HIRA: variants seen among roughly 807,000 people sequenced by gnomAD.
HIRA encodes protein HIRA.
A neutral mutation model predicts 126.6 loss-of-function variants in HIRA; 13 were observed. That is an observed-to-expected ratio of 0.10 (90% confidence interval 0.07 to 0.16). HIRA has a LOEUF of 0.16. Among genes scored for constraint, HIRA ranks in the 10% least tolerant of loss-of-function variants. HIRA has a pLI of 1.00. For missense variants in HIRA, 834 were observed against 1,314.4 expected (o/e 0.63, Z 5.65); for synonymous variants, 511 against 520.0 (o/e 0.98, Z 0.24).
chr22:19,396,507 ACT>A (rs954889831), intron 7 of HIRA, among the ~76,000 whole-genome samples: 3 of 152,198 alleles, frequency 2.0e-5, no homozygotes, highest in Non-Finnish European at 4.4e-5. Flanking sequence ...CAAGAGCGAA[ACT>A]CTGTCGCCAA....
intron 13 of HIRA, among the ~76,000 whole-genome samples, chr22:19,379,653 G>T: frequency 1.4e-5 from 2 of 144,284 alleles, no homozygotes; most frequent in African/African-American, 2.6e-5. Context: ...AGAAATACTT[G>T]ATTTCTTTTT....
Position 19,396,633 on chromosome 22 carries a change from A to T in HIRA, c.654+154T>A, listed in dbSNP as rs5748178. On this transcript the variant is annotated intron_variant, in intron 7 of 24. Transcript: ENST00000263208. ...ATCTGACTCTTAGGGCCAGAGTCCC[A>T]CCCCAGAGAGCCTTGGTGAATCCGC... is the stretch of plus-strand genomic sequence containing the variant. Among the ~76,000 whole-genome samples the T allele has an allele frequency of 2.6e-5, 4 of 152,350 alleles. No homozygotes were observed. In the East Asian group the frequency reaches 7.7e-4, roughly 29 times the overall value.
chr22:19,396,188 T>C (rs1376571182), intron 7 of HIRA, among the ~76,000 whole-genome samples: 2 of 152,218 alleles, frequency 1.3e-5, no homozygotes, highest in Non-Finnish European at 2.9e-5. Context: ...CAGAATGATG[T>C]GGAGACATCT....
At chr22:19,416,243 C>CAT (rs1177887642) in intron 1 of HIRA, among the ~76,000 whole-genome samples, 1 of 152,202 alleles carries the variant, frequency 6.6e-6, no homozygotes, top group African/African-American at 2.4e-5. Flanking sequence ...CAAAGACCTG[C>CAT]ATATATATCT....
intron 11 of HIRA, 133 bp from the exon 12 acceptor site, chr22:19,385,869 G>C (rs1209304042): frequency 1.3e-6 from 1 of 749,076 alleles, no homozygotes; most frequent in Admixed American, 2.4e-5. Context: ...ACTCCCCATC[G>C]CCTCCCATCC....
chr22:19,415,675 G>A (rs559941071), intron 1 of HIRA, among the ~76,000 whole-genome samples: 1 of 152,132 alleles, frequency 6.6e-6, no homozygotes, highest in Non-Finnish European at 1.5e-5. Flanking sequence ...TATAATCCCA[G>A]CTACTTGGGA....
At chr22:19,401,442 A>G (rs192606598) in intron 5 of HIRA, among the ~76,000 whole-genome samples, 55 of 152,098 alleles carry the variant, frequency 3.6e-4, no homozygotes, top group East Asian at 2.9e-3. Flanking sequence ...CAGCTCTCCA[A>G]TCCCTAGGCT....
At position 19,431,484 on chromosome 22, in the gene HIRA, C is replaced by G; in HGVS notation, c.-8G>C. ...CGGCTTCAGGAGCTTCATTGTTCGG[C>G]CGCCGCCGCCGCCGGGCTGAGGCGA... On this transcript the variant is annotated 5_prime_UTR_variant, in exon 1 of 25. Coordinates refer to ENST00000263208, the MANE Select transcript of HIRA (RefSeq NM_003325.4). 1 of 1,552,312 alleles carries G rather than the reference C, an allele frequency of 6.4e-7. No individual in the cohort carries two copies. Among genetic ancestry groups the G allele is most frequent in the Non-Finnish European group, 8.8e-7 (1 of 1,141,348 alleles).
At chr22:19,383,392 G>A (rs5748168) in intron 13 of HIRA, among the ~76,000 whole-genome samples, 5,946 of 152,238 alleles carry the variant, frequency 0.039, 262 homozygotes, top group East Asian at 0.13. Context: ...CAGATGTGCT[G>A]GCCGCCTTAG....
chr22:19,384,357 CGG>C (rs2146216887), intron 12 of HIRA, among the ~76,000 whole-genome samples: 1 of 148,984 alleles, frequency 6.7e-6, no homozygotes, highest in East Asian at 2.0e-4. Context: ...AGATATCATG[CGG>C]TATTTGTCCT....
intron 24 of HIRA, among the ~76,000 whole-genome samples, chr22:19,342,815 C>T (rs909051188): frequency 6.6e-6 from 1 of 152,154 alleles, no homozygotes; most frequent in Non-Finnish European, 1.5e-5. Flanking sequence ...ATAGCAGCAC[C>T]ATTTGCAACT....
intron 15 of HIRA, among the ~76,000 whole-genome samples, chr22:19,363,934 T>C (rs927363543): frequency 6.6e-6 from 1 of 152,174 alleles, no homozygotes; most frequent in Admixed American, 6.5e-5. Context: ...CTGTAAGATA[T>C]ATAATGATGA....
chr22:19,423,645 A>G (rs1488122346), intron 1 of HIRA, among the ~76,000 whole-genome samples: 5 of 152,158 alleles, frequency 3.3e-5, no homozygotes, highest in African/African-American at 4.8e-5. Context: ...CTGGACCTCA[A>G]ATAAGGCCTG....
intron 1 of HIRA, among the ~76,000 whole-genome samples, chr22:19,421,239 C>T (rs1321724356): frequency 1.3e-5 from 2 of 149,506 alleles, no homozygotes; most frequent in African/African-American, 5.0e-5. Context: ...GCAGAGATTG[C>T]AGTGAGCCGA....
intron 24 of HIRA, among the ~76,000 whole-genome samples, chr22:19,339,011 T>C (rs1174122359): frequency 6.6e-6 from 1 of 152,200 alleles, no homozygotes; most frequent in African/African-American, 2.4e-5. Context: ...ATTCTTTTCA[T>C]CAGCACATGG....
intron 13 of HIRA, among the ~76,000 whole-genome samples, chr22:19,378,321 T>C (rs1239365152): frequency 1.3e-5 from 2 of 152,244 alleles, no homozygotes; most frequent in East Asian, 3.8e-4. Flanking sequence ...CCATTGACTG[T>C]ACAACACACC....
At chr22:19,408,714 A>C in intron 2 of HIRA, 121 bp from the exon 3 acceptor site, 1 of 596,206 alleles carries the variant, frequency 1.7e-6, no homozygotes, top group South Asian at 2.0e-5. Flanking sequence ...AATTAACTAG[A>C]TCTAAGGAGA....
At chr22:19,382,354 T>A (rs980863872) in intron 13 of HIRA, among the ~76,000 whole-genome samples, 15 of 152,292 alleles carry the variant, frequency 9.8e-5, no homozygotes, top group African/African-American at 3.6e-4. Context: ...AGGCCCAGTA[T>A]GTTCAGAGCT....
In HIRA at chr22:19,357,047, C is replaced by G; in HGVS notation, c.2239G>C (p.Val747Leu). ...RILTAAGSCD[V>L]VCVACEKRML... Reference sequence around the variant, plus strand: ...CTTTTTTCACAGGCGACACACACCACGTCACTGAGAAGGCAGAGTGGGGGC... The same window carrying G: ...CTTTTTTCACAGGCGACACACACCAGGTCACTGAGAAGGCAGAGTGGGGGC... The change falls in exon 19 of 25, where the codon GTG (valine) becomes CTG (leucine). Residue 747 changes from valine to leucine, a missense_variant. This residue lies in a region of HIRA where 468 missense variants were observed against 574.2 expected (regional missense o/e 0.82). Transcript: ENST00000263208. 6.2e-7 allele frequency: 1 copy of G among 1,613,988 alleles called. No individual in the cohort carries two copies. The highest frequency in any genetic ancestry group is 1.1e-5 in the South Asian group (1 of 91,078).
Sources: gnomAD v4.1 joint callset for allele counts (sites outside exome capture counted in the v4.1 genomes callset) on GRCh38, gnomAD v4.1.1 for gene constraint, gnomAD v4.1.1 regional missense constraint, MANE v1.5 for transcripts, NCBI Gene and HGNC (gene_info 2026-07-23, HGNC 2026-07-21) for gene names.